The following ULK4 variants were observed in gnomAD, a reference collection of about 807,000 sequenced individuals.
ULK4 encodes inactive serine/threonine-protein kinase ULK4.
In ULK4, 133 loss-of-function variants were observed where a neutral mutation model predicts 160.6. That is an observed-to-expected ratio of 0.83 (90% CI 0.72 to 0.96). The LOEUF is 0.96. Ranked by LOEUF, ULK4 falls within the 40% of genes least tolerant of loss-of-function variation. ULK4 has a pLI of 0.00. For missense variants in ULK4, 1,580 were observed against 1,499.5 expected (o/e 1.05, Z -0.89); for synonymous variants, 534 against 539.8 (o/e 0.99, Z 0.15).
chr3:41,527,401 T>C (rs557287009), intron 32 of ULK4, among the ~76,000 whole-genome samples: 1 of 152,350 alleles, frequency 6.6e-6, no homozygotes, highest in South Asian at 2.1e-4. Flanking sequence ...TCCAAATGCT[T>C]TACCCATATC....
At chr3:41,806,429 A>T (rs2040644294) in intron 19 of ULK4, among the ~76,000 whole-genome samples, 1 of 152,148 alleles carries the variant, frequency 6.6e-6, no homozygotes, top group Non-Finnish European at 1.5e-5. Flanking sequence ...TCCTTTCAAA[A>T]AACCAGCTCC....
chr3:41,861,164 T>C (rs924917156), intron 17 of ULK4, among the ~76,000 whole-genome samples: 4 of 152,098 alleles, frequency 2.6e-5, no homozygotes, highest in African/African-American at 9.6e-5. Context: ...GTCTTTCTAC[T>C]TATAGTAGAA....
intron 19 of ULK4, among the ~76,000 whole-genome samples, chr3:41,801,207 T>A (rs896356290): frequency 6.6e-6 from 1 of 152,034 alleles, no homozygotes. Flanking sequence ...ATAATAAAAA[T>A]ACACTGAATG....
chr3:41,899,330 G>T (rs1290770444), intron 13 of ULK4: 1 of 152,156 alleles, frequency 6.6e-6, no homozygotes, highest in Admixed American at 6.5e-5. Context: ...AAGAGCAGCT[G>T]GGCAAAAGGT....
intron 31 of ULK4, among the ~76,000 whole-genome samples, chr3:41,607,319 A>G (rs1430169971): frequency 6.6e-6 from 1 of 152,184 alleles, no homozygotes; most frequent in African/African-American, 2.4e-5. Context: ...CAAATGTATA[A>G]AAGAATATTT....
intron 32 of ULK4, among the ~76,000 whole-genome samples, chr3:41,554,375 A>G (rs943539584): frequency 6.6e-6 from 1 of 152,178 alleles, no homozygotes; most frequent in South Asian, 2.1e-4. Context: ...TTCAGCCATA[A>G]AAGAGAATGA....
chr3:41,506,767 A>AAAAAAAAAAAAAAAAAAATATATAT lies in ULK4; in HGVS notation c.3227-43515_3227-43514insATATATATTTTTTTTTTTTTTTTTT. Among the ~76,000 whole-genome samples, 11 of 56,792 alleles carry AAAAAAAAAAAAAAAAAAATATATAT rather than the reference A, an allele frequency of 1.9e-4. 1 individual carries two copies. The highest frequency in any genetic ancestry group is 2.8e-4 in the Non-Finnish European group (9 of 31,982). 37.3% of individuals were successfully genotyped at this position (56,792 alleles called of 152,430 possible). A position where few individuals can be genotyped will look rare whatever the true frequency, so the allele number is the denominator to read the frequency against. Reference sequence around the variant, plus strand: ...AGCAATACACTGGAGTGTGATTTAAAATATATATATATATATATATATATA... The same window carrying AAAAAAAAAAAAAAAAAAATATATAT: ...AGCAATACACTGGAGTGTGATTTAAAAAAAAAAAAAAAAAAAAATATATATATATATATATATATATATATATATA... On this transcript the variant is annotated intron_variant, in intron 32 of 36. Transcript: ENST00000301831.
chr3:41,739,697 C>A (rs6764379), intron 22 of ULK4, among the ~76,000 whole-genome samples: 10,405 of 151,800 alleles, frequency 0.069, 1,361 homozygotes, highest in African/African-American at 0.23. Flanking sequence ...TTTCAATAAT[C>A]AAGAGGACAA....
At chr3:41,601,441 C>T (rs1443640828) in intron 31 of ULK4, among the ~76,000 whole-genome samples, 2 of 152,170 alleles carry the variant, frequency 1.3e-5, no homozygotes, top group Admixed American at 1.3e-4. Context: ...AGCTTCATTT[C>T]CTATTCTTTG....
chr3:41,738,000 A>T (rs1365115512), intron 22 of ULK4, among the ~76,000 whole-genome samples: 2 of 151,950 alleles, frequency 1.3e-5, no homozygotes, highest in Admixed American at 6.5e-5. Context: ...AATCTGGTAC[A>T]TCCCCTCTCT....
At chr3:41,764,515 C>T (rs1365051593) in intron 21 of ULK4, among the ~76,000 whole-genome samples, 1 of 152,184 alleles carries the variant, frequency 6.6e-6, no homozygotes, top group African/African-American at 2.4e-5. Context: ...CAGGCCAAAG[C>T]AGGAGGATTG....
rs552853405 is a variant in ULK4 at position 41,940,061 on chromosome 3, C to T, written c.139-1864G>A. Among the ~76,000 whole-genome samples, 5 of 151,760 alleles carry T rather than the reference C, an allele frequency of 3.3e-5. No individual in the cohort carries two copies. In the South Asian group the frequency reaches 1.0e-3, roughly 32 times the overall value. On this transcript the variant is annotated intron_variant, in intron 2 of 36. Transcript: ENST00000301831. ...TTTTTAATAAACATAGAAATTGACA[C>T]TTCTAGTCTTAAAGCTTGAAACTTA...
intron 30 of ULK4, among the ~76,000 whole-genome samples, chr3:41,621,041 G>GA (rs2033219768): frequency 6.6e-6 from 1 of 152,016 alleles, no homozygotes; most frequent in Non-Finnish European, 1.5e-5. Context: ...AAAATACTTA[G>GA]AAATACAACT....
intron 32 of ULK4, among the ~76,000 whole-genome samples, chr3:41,498,265 A>C (rs1336791960): frequency 6.6e-6 from 1 of 152,238 alleles, no homozygotes; most frequent in Non-Finnish European, 1.5e-5. Flanking sequence ...GAAAATCCTC[A>C]AATGTTTGGG....
rs148904689 is a variant in ULK4 at position 41,514,742 on chromosome 3, G to A, written c.3226+51283C>T. 5.3e-5 allele frequency among the ~76,000 whole-genome samples: 8 copies of A among 152,080 alleles called. No homozygotes were observed. The East Asian group carries it at 1.6e-3, about 29-fold the overall frequency. ...AGCCAGAAAATGTGTTCATGTGGACGTAGAGTGGGATGAGAGATAATGGAG... is the reference window on the plus strand; with the variant it reads ...AGCCAGAAAATGTGTTCATGTGGACATAGAGTGGGATGAGAGATAATGGAG... On this transcript the variant is annotated intron_variant, in intron 32 of 36. Transcript: ENST00000301831.
At chr3:41,333,871 A>T (rs1532016) in intron 35 of ULK4, among the ~76,000 whole-genome samples, 3 of 152,010 alleles carry the variant, frequency 2.0e-5, no homozygotes, top group African/African-American at 7.3e-5. Context: ...ACTGACTCCA[A>T]AGAAGCTTGG....
intron 9 of ULK4, among the ~76,000 whole-genome samples, chr3:41,912,371 G>C (rs189919103): frequency 5.1e-4 from 75 of 147,482 alleles, no homozygotes; most frequent in Admixed American, 2.4e-3. Flanking sequence ...ACTCCATTTT[G>C]ACATTTTTCT....
intron 21 of ULK4, among the ~76,000 whole-genome samples, chr3:41,756,290 T>C (rs1297035604): frequency 6.6e-6 from 1 of 152,208 alleles, no homozygotes; most frequent in Non-Finnish European, 1.5e-5. Flanking sequence ...CAATCGGCTT[T>C]ATCTAATTTT....
chr3:41,592,488 A>G (rs2031411887), intron 31 of ULK4, among the ~76,000 whole-genome samples: 1 of 152,192 alleles, frequency 6.6e-6, no homozygotes, highest in Non-Finnish European at 1.5e-5. Flanking sequence ...TGATGGGTGC[A>G]CCAAAATCTC....
Sources: allele counts gnomAD v4.1 joint callset (sites outside exome capture counted in the v4.1 genomes callset), GRCh38; gene constraint gnomAD v4.1.1; transcripts MANE v1.5; gene names NCBI Gene and HGNC (gene_info 2026-07-23, HGNC 2026-07-21).